Variants in SIAE observed in about 807,000 individuals in gnomAD.
SIAE encodes sialate O-acetylesterase.
SIAE carries 39 observed loss-of-function variants against 52.6 expected under a neutral mutation model. The observed-to-expected ratio is 0.74, with a 90% confidence interval of 0.57 to 0.97. The LOEUF (loss-of-function observed/expected upper bound fraction) is 0.97. Among genes scored for constraint, SIAE ranks in the 50% least tolerant of loss-of-function variants. The pLI is 0.00. For synonymous variants in SIAE, 233 were observed against 241.4 expected, an observed-to-expected ratio of 0.97 and a Z score of 0.32; for missense variants, 592 against 662.1, an observed-to-expected ratio of 0.89 and a Z score of 1.16.
rs564403769 is a variant in SIAE at position 124,639,844 on chromosome 11, C to T, written c.990G>A (p.Lys330=). 1 of 1,614,198 alleles carries T rather than the reference C, an allele frequency of 6.2e-7. No homozygotes were observed. Among genetic ancestry groups the T allele is most frequent in the East Asian group, 2.2e-5 (1 of 44,892 alleles). ...TCTGGGGAAATCCATCGTCTGAGCT[C>T]TTCTTAGACAAATCTGAAGATAACT... ...LVQLSSDLSK[K]SSDDGFPQIR... is the part of the protein sequence containing the mutation. The change falls in exon 8 of 10, where the codon AAG becomes AAA. Residue 330 remains lysine, a synonymous_variant. Transcript: ENST00000263593.
At chr11:124,656,607 C>T (rs1943103789) in intron 3 of SIAE, among the ~76,000 whole-genome samples, 1 of 152,238 alleles carries the variant, frequency 6.6e-6, no homozygotes, top group South Asian at 2.1e-4. Flanking sequence ...CATCATTCCT[C>T]TATGAACTTA....
chr11:124,668,781 T>C lies in SIAE; in HGVS notation c.229+579A>G, dbSNP rs144235052. On this transcript the variant is annotated intron_variant, in intron 2 of 9. Coordinates refer to ENST00000263593, the MANE Select transcript of SIAE (RefSeq NM_170601.5). ...AATATGAAGTCTTACATTCTTACAT[T>C]ATGGCACTCTCAGTAAATGATGCTG... Among the ~76,000 whole-genome samples the C allele has an allele frequency of 6.6e-4, 100 of 152,336 alleles. 1 individual carries two copies. The highest frequency in any genetic ancestry group is 2.2e-3 in the African/African-American group (93 of 41,578).
At position 124,647,475 on chromosome 11, in the gene SIAE, T is replaced by C; in HGVS notation, c.856A>G (p.Thr286Ala). The C allele has an allele frequency of 6.2e-7, 1 of 1,614,120 alleles. No homozygotes were observed. Among genetic ancestry groups the C allele is most frequent in the Non-Finnish European group, 8.5e-7 (1 of 1,180,014 alleles). ...YQGESNINYN[T>A]DLYNCTFPAL... ...GGGAATGTGCAATTGTACAGATCCG[T>C]GTTATAATTTATATTGGACTCCCCT... The change falls in exon 7 of 10, where the codon ACG becomes GCG. Residue 286 changes from threonine to alanine, a missense_variant. Transcript: ENST00000263593.
chr11:124,655,933 G>T (rs1310452378), intron 3 of SIAE, among the ~76,000 whole-genome samples: 1 of 152,100 alleles, frequency 6.6e-6, no homozygotes, highest in Non-Finnish European at 1.5e-5. Flanking sequence ...TTTTTGGTGT[G>T]CCAACATGAT....
chr11:124,638,734 G>A lies in SIAE; in HGVS notation c.1128C>T (p.Ile376=). The change falls in exon 9 of 10, where the codon ATC becomes ATT. Residue 376 remains isoleucine (I), a synonymous_variant. Coordinates refer to ENST00000263593, the MANE Select transcript of SIAE (RefSeq NM_170601.5). ...LCDRDSPFGS[I]HPRDKQTVAY... The stretch of plus-strand genomic sequence containing the variant: ...CCACAGTCTGTTTATCTCGAGGGTG[G>A]ATGCTACAGGATAAGGAACAAGTAG... 1 of 1,613,680 alleles carries A rather than the reference G, an allele frequency of 6.2e-7. No homozygotes were observed. The highest frequency in any genetic ancestry group is 8.5e-7 in the Non-Finnish European group (1 of 1,179,880).
chr11:124,666,234 A>G (rs1943272074), intron 2 of SIAE, among the ~76,000 whole-genome samples: 2 of 152,216 alleles, frequency 1.3e-5, no homozygotes, highest in African/African-American at 4.8e-5. Context: ...ACTATGGGTA[A>G]TAAGTTAAAT....
At chr11:124,672,867 G>A (rs1943387913) in intron 1 of SIAE, among the ~76,000 whole-genome samples, 1 of 152,134 alleles carries the variant, frequency 6.6e-6, no homozygotes, top group Admixed American at 6.5e-5. Flanking sequence ...AGGGATCTCT[G>A]GGGTCCACTC....
intron 4 of SIAE, among the ~76,000 whole-genome samples, chr11:124,651,090 C>T (rs757065498): frequency 5.9e-5 from 9 of 152,090 alleles, no homozygotes; most frequent in Non-Finnish European, 1.2e-4. Context: ...ACTGGCACTC[C>T]AAAAGTAGAC....
chr11:124,639,865 TAACTAGAAAGCAG>T lies in SIAE; in HGVS notation c.967-11_968del. 6.2e-7 allele frequency: 1 copy of T among 1,614,116 alleles called. No individual in the cohort carries two copies. The highest frequency in any genetic ancestry group is 8.5e-7 in the Non-Finnish European group (1 of 1,180,040). On this transcript the variant is annotated splice_acceptor_variant and splice_polypyrimidine_tract_variant and coding_sequence_variant and intron_variant, in exon 8 of 10. Coordinates refer to ENST00000263593, the MANE Select transcript of SIAE (RefSeq NM_170601.5). LOFTEE classifies it high-confidence loss of function. ...AGCTCTTCTTAGACAAATCTGAAGA[TAACTAGAAAGCAG>T]AGACATTGCTAATTTTATTGTATCA...
intron 2 of SIAE, among the ~76,000 whole-genome samples, chr11:124,663,070 G>C (rs1943213589): frequency 6.6e-6 from 1 of 152,124 alleles, no homozygotes; most frequent in Non-Finnish European, 1.5e-5. Flanking sequence ...CTTGAACCCA[G>C]GAGGTGGAGG....
At chr11:124,643,511 G>A (rs1942882413) in intron 7 of SIAE, among the ~76,000 whole-genome samples, 2 of 152,188 alleles carry the variant, frequency 1.3e-5, no homozygotes, top group Non-Finnish European at 2.9e-5. Flanking sequence ...TTAGACTAGC[G>A]CAGGAGGAGT....
intron 2 of SIAE, among the ~76,000 whole-genome samples, chr11:124,663,528 T>C (rs1435361025): frequency 6.6e-6 from 1 of 152,168 alleles, no homozygotes; most frequent in Non-Finnish European, 1.5e-5. Context: ...GAGCCGAGAC[T>C]GTGCCACTGC....
chr11:124,645,794 T>G lies in SIAE; in HGVS notation c.966+1571A>C, dbSNP rs1305432572. Among the ~76,000 whole-genome samples the G allele has an allele frequency of 6.6e-6, 1 of 152,310 alleles. No individual in the cohort carries two copies. Among genetic ancestry groups the G allele is most frequent in the South Asian group, 2.1e-4 (1 of 4,830 alleles). On this transcript the variant is annotated intron_variant, in intron 7 of 9. Transcript: ENST00000263593. This position sits in a 1 kb window ranked among gnomAD's most constrained non-coding sequence, Gnocchi z 4.7. ...AGAACTGGTGACAGGAGCTGCTACT[T>G]TGAAAATAATGAGCAGAATAATCTT...
intron 3 of SIAE, 75 bp downstream of exon 3, chr11:124,660,553 T>C (rs760723697): frequency 6.7e-7 from 1 of 1,494,398 alleles, no homozygotes; most frequent in Admixed American, 1.7e-5. Context: ...CTTCTCCTTG[T>C]TGCCCCCTTA....
intron 1 of SIAE, among the ~76,000 whole-genome samples, chr11:124,671,283 A>T (rs147016942): frequency 0.013 from 1,974 of 152,322 alleles, 24 homozygotes; most frequent in Non-Finnish European, 0.02. Context: ...ACAATTTTTT[A>T]AAATAGCTTG....
chr11:124,639,707 T>C lies in SIAE; in HGVS notation c.1124+3A>G, dbSNP rs1942812206. 3 of 1,614,004 alleles carry C rather than the reference T, an allele frequency of 1.9e-6. No homozygotes were observed. The highest frequency in any genetic ancestry group is 2.5e-6 in the Non-Finnish European group (3 of 1,179,912). On this transcript the variant is annotated splice_donor_region_variant and intron_variant, in intron 8 of 9. Transcript: ENST00000263593. ...TCATGCAAAGCCCAAGAAGCAATCA[T>C]ACCTGCCAAAAGGCGAGTCTCTATC...
intron 2 of SIAE, among the ~76,000 whole-genome samples, chr11:124,666,277 G>A (rs1433918369): frequency 6.6e-6 from 1 of 152,138 alleles, no homozygotes. Flanking sequence ...GCAAATTGAG[G>A]TAATGTGGCT....
At chr11:124,669,670 C>T (rs1943322273) in intron 1 of SIAE, 149 bp from the exon 2 acceptor site, 2 of 744,614 alleles carry the variant, frequency 2.7e-6, no homozygotes, top group Non-Finnish European at 4.7e-6. Context: ...GGCTCTTCTT[C>T]CTCCTAATTA....
At chr11:124,644,404 T>A (rs1468817425) in intron 7 of SIAE, among the ~76,000 whole-genome samples, 1 of 148,652 alleles carries the variant, frequency 6.7e-6, no homozygotes, top group Admixed American at 6.7e-5. Flanking sequence ...GGAGCAATGC[T>A]AATAACAGTC....
Sources: allele counts gnomAD v4.1 joint callset (sites outside exome capture counted in the v4.1 genomes callset), GRCh38; gene constraint gnomAD v4.1.1; non-coding constraint Gnocchi (gnomAD v3.1); transcripts MANE v1.5; gene names NCBI Gene and HGNC (gene_info 2026-07-23, HGNC 2026-07-21).